PDE4DIP: variants seen among roughly 807,000 people sequenced by gnomAD.
PDE4DIP encodes the protein myomegalin.
PDE4DIP carries 59 observed loss-of-function variants against 221.4 expected under a neutral mutation model. The observed-to-expected ratio is 0.27, with a 90% confidence interval of 0.22 to 0.33. The LOEUF (loss-of-function observed/expected upper bound fraction) is 0.33. PDE4DIP is among the 10% of genes least tolerant of loss of function. The probability of loss-of-function intolerance (pLI) is 1.00; values close to 1 mark genes in which losing one functional copy is unlikely to be tolerated. For missense variants in PDE4DIP, 1,036 were observed against 2,154.2 expected (o/e 0.48, Z 10.28); for synonymous variants, 404 against 815.9 (o/e 0.50, Z 8.60).
intron 17 of PDE4DIP, 111 bp from the exon 21 acceptor site, chr1:148,977,826 T>C: frequency 6.7e-7 from 1 of 1,495,562 alleles, no homozygotes; most frequent in Non-Finnish European, 9.0e-7. Flanking sequence ...AGAGCCCTAT[T>C]CATGTTCTCA....
At chr1:148,934,728 C>T (rs587706990) in intron 4 of PDE4DIP, among the ~76,000 whole-genome samples, 25 of 151,968 alleles carry the variant, frequency 1.6e-4, no homozygotes, top group Middle Eastern at 3.4e-3. Flanking sequence ...CTCAGCCTCC[C>T]GAGTAGCTGG....
intron 1 of PDE4DIP, among the ~76,000 whole-genome samples, chr1:148,820,970 G>A (rs1395136092): frequency 6.7e-5 from 10 of 150,088 alleles, no homozygotes; most frequent in African/African-American, 2.5e-4. Flanking sequence ...TCTTGCCTCA[G>A]CCTCCAGAGT....
chr1:149,012,448 T>C, intron 31 of PDE4DIP, 143 bp from the exon 35 acceptor site: 1 of 554,844 alleles, frequency 1.8e-6, no homozygotes. Context: ...GGCTGTCTTA[T>C]CCTGTACCAC....
At chr1:148,978,370 A>C (rs1553539535) in exon 19 of PDE4DIP, 1 of 1,612,048 alleles carries the variant, frequency 6.2e-7, no homozygotes, top group Middle Eastern at 1.7e-4. Flanking sequence ...AAGTTGCTTC[A>C]GTAGAATCCC....
intron 33 of PDE4DIP, 71 bp from the exon 37 acceptor site, chr1:149,017,677 G>A: frequency 2.9e-5 from 26 of 905,096 alleles, no homozygotes; most frequent in Non-Finnish European, 4.5e-5. Context: ...CCCTAGCCGA[G>A]CCCCACCCCC....
rs192294389 is a variant in PDE4DIP, at chr1:148,952,376, T to G, written c.637-8278T>G. On this transcript the variant is annotated intron_variant, in intron 5 of 43. Transcript: ENST00000369354. ...CCGCTGGCGCCATCTTGAAATCTGATCCTCCATCCCCGAGGCTTTGCGTCT... is the reference window on the plus strand; with the variant it reads ...CCGCTGGCGCCATCTTGAAATCTGAGCCTCCATCCCCGAGGCTTTGCGTCT... 712 of 1,068,594 alleles carry G rather than the reference T, an allele frequency of 6.7e-4. 3 individuals are homozygous for G. In the African/African-American group the frequency reaches 0.011, roughly 16 times the overall value. 66.2% of individuals were successfully genotyped at this position (1,068,594 alleles called of 1,614,324 possible). A position where few individuals can be genotyped will look rare whatever the true frequency, so the allele number is the denominator to read the frequency against.
intron 21 of PDE4DIP, among the ~76,000 whole-genome samples, chr1:148,988,273 T>G (rs1553552417): frequency 6.7e-6 from 1 of 149,788 alleles, no homozygotes; most frequent in Non-Finnish European, 1.5e-5. Flanking sequence ...CTACTTCAGT[T>G]TACTTACAAT....
intron 1 of PDE4DIP, among the ~76,000 whole-genome samples, chr1:148,920,075 T>G (rs1355872600): frequency 6.7e-6 from 1 of 149,702 alleles, no homozygotes; most frequent in African/African-American, 2.5e-5. Context: ...ACTTTATCAA[T>G]GAATGTATGC....
chr1:148,985,458 G>A (rs1363817237), intron 21 of PDE4DIP: 2 of 152,080 alleles, frequency 1.3e-5, no homozygotes, highest in East Asian at 3.8e-4. Context: ...ATTTTATTAT[G>A]ATCAAATAAC....
At chr1:148,927,056 T>C (rs1553466220) in intron 1 of PDE4DIP, among the ~76,000 whole-genome samples, 4 of 149,712 alleles carry the variant, frequency 2.7e-5, no homozygotes, top group East Asian at 3.9e-4. Context: ...GCGTTTAAGT[T>C]ATGTCTCAAA....
At chr1:148,964,200 C>G (rs1553515813) in intron 9 of PDE4DIP, among the ~76,000 whole-genome samples, 1 of 151,464 alleles carries the variant, frequency 6.6e-6, no homozygotes. Context: ...ACCTCCACCT[C>G]CCGGGTTCAA....
At chr1:148,862,179 T>TC (rs1169604190) in intron 1 of PDE4DIP, among the ~76,000 whole-genome samples, 24 of 150,036 alleles carry the variant, frequency 1.6e-4, no homozygotes, top group Non-Finnish European at 2.8e-4. Context: ...TTCCCCACTT[T>TC]CCTTTTTTTT....
At chr1:148,918,622 TACAC>T (rs57116412) in intron 1 of PDE4DIP, among the ~76,000 whole-genome samples, 5,515 of 91,980 alleles carry the variant, frequency 0.06, 393 homozygotes, top group Non-Finnish European at 0.082. Flanking sequence ...TCTCTCTCTC[TACAC>T]ACACACACAC....
exon 27 of PDE4DIP, chr1:149,005,077 T>C (rs1234265719): frequency 6.2e-7 from 1 of 1,613,274 alleles, no homozygotes; most frequent in Non-Finnish European, 8.5e-7. Flanking sequence ...GAAAACATCT[T>C]GGTCCTACGA....
intron 27 of PDE4DIP, among the ~76,000 whole-genome samples, chr1:149,006,055 C>T (rs587765988): frequency 1.3e-5 from 2 of 152,366 alleles, no homozygotes; most frequent in Admixed American, 1.3e-4. Context: ...ATCGCTTGAA[C>T]CTGGCAGGTG....
At chr1:148,829,017 A>AACACACAC (rs5777522) in intron 1 of PDE4DIP, among the ~76,000 whole-genome samples, 272 of 143,338 alleles carry the variant, frequency 1.9e-3, no homozygotes, top group African/African-American at 6.6e-3. Flanking sequence ...TTCCTGCATA[A>AACACACAC]ACACACACAC....
At chr1:148,978,453 C>T in intron 19 of PDE4DIP, 38 bp downstream of exon 22, 1 of 1,284,794 alleles carries the variant, frequency 7.8e-7, no homozygotes, top group Non-Finnish European at 1.1e-6. Context: ...TATTTATTTA[C>T]ATTTTTTTGT....
intron 1 of PDE4DIP, among the ~76,000 whole-genome samples, chr1:148,913,534 A>G (rs2043166902): frequency 2.1e-5 from 3 of 141,684 alleles, no homozygotes; most frequent in African/African-American, 7.9e-5. Context: ...GGAGGGGTCT[A>G]ACAAATGCCA....
intron 14 of PDE4DIP, among the ~76,000 whole-genome samples, chr1:148,969,841 G>A (rs2151947033): frequency 6.6e-6 from 1 of 151,930 alleles, no homozygotes; most frequent in African/African-American, 2.4e-5. Context: ...CAAGTAGCTG[G>A]GATTACAGGC....
Sources: gnomAD v4.1 joint callset for allele counts (sites outside exome capture counted in the v4.1 genomes callset) on GRCh38, gnomAD v4.1.1 for gene constraint, MANE v1.5 for transcripts, NCBI Gene and HGNC (gene_info 2026-07-23, HGNC 2026-07-21) for gene names.